KLRG1: variants seen among roughly 807,000 people sequenced by gnomAD.
KLRG1 encodes the protein killer cell lectin-like receptor subfamily G member 1.
KLRG1 carries 16 observed loss-of-function variants against 21.8 expected under a neutral mutation model. The observed-to-expected ratio is 0.73, with a 90% CI of 0.50 to 1.11. KLRG1 has a LOEUF of 1.11. Ranked by LOEUF, KLRG1 falls within the 50% of genes most tolerant of loss-of-function variation. KLRG1 has a pLI of 0.00. For synonymous variants in KLRG1, 69 were observed against 75.9 expected (o/e 0.91, Z 0.47); for missense variants, 173 against 218.3 (o/e 0.79, Z 1.31).
At chr12:9,090,120 G>A in the KLRG1 span, 8 of 1,513,774 alleles carry the variant, frequency 5.3e-6, no homozygotes, top group Non-Finnish European at 7.1e-6. Context: ...GTAAACTTTT[G>A]TTTTATTAAA....
the KLRG1 span, chr12:9,201,079 C>T: frequency 1.2e-6 from 2 of 1,612,898 alleles, no homozygotes; most frequent in Non-Finnish European, 1.7e-6. Context: ...AAACAAGAAA[C>T]ATGGGCGGTA....
chr12:9,013,011 G>T (rs1288472016), downstream of KLRG1, among the ~76,000 whole-genome samples: 3 of 152,296 alleles, frequency 2.0e-5, no homozygotes, highest in Non-Finnish European at 4.4e-5. Context: ...TATGGAGAGA[G>T]AGACTCCATT....
At chr12:9,015,874 A>G in the KLRG1 span, among the ~76,000 whole-genome samples, 1 of 152,158 alleles carries the variant, frequency 6.6e-6, no homozygotes, top group Non-Finnish European at 1.5e-5. Flanking sequence ...AAACTATATA[A>G]ACACATGGAA....
rs1021880607 is a variant in KLRG1 at position 9,009,024 on chromosome 12, G to T, written c.407G>T (p.Arg136Met). The change falls in exon 4 of 5, where the codon AGG (arginine) becomes ATG (methionine). Residue 136 changes from arginine (R) to methionine (M), a missense_variant. Physicochemically the swap from Arg to Met is moderately conservative, Grantham distance 91. This residue lies in a region of KLRG1 where 144 missense variants were observed against 161.5 expected (regional missense o/e 0.89). Coordinates refer to ENST00000356986, the MANE Select transcript of KLRG1 (RefSeq NM_005810.4). ...LSEAFCWIGL[R>M]NNSGWRWEDG... ...GAGGCCTTTTGCTGGATTGGTCTGA[G>T]GAACAATTCTGGCTGGAGGTGGGAA... is the stretch of plus-strand genomic sequence containing the variant. 4 of 1,613,894 alleles carry T rather than the reference G, an allele frequency of 2.5e-6. No individual in the cohort carries two copies. Among genetic ancestry groups the T allele is most frequent in the Admixed American group, 1.7e-5 (1 of 59,986 alleles).
the KLRG1 span, chr12:9,069,921 CA>C: frequency 2.2e-6 from 2 of 912,038 alleles, no homozygotes; most frequent in Non-Finnish European, 3.6e-6. Context: ...TAGAATTCTT[CA>C]AATGCTTTTT....
the KLRG1 span, among the ~76,000 whole-genome samples, chr12:9,171,440 G>C: frequency 2.6e-5 from 4 of 152,230 alleles, no homozygotes; most frequent in African/African-American, 9.6e-5. Context: ...CAAAATGCCA[G>C]AGTGTCTCTT....
At chr12:8,973,359 T>C (rs762754896) in intron 1 of KLRG1, among the ~76,000 whole-genome samples, 17 of 151,970 alleles carry the variant, frequency 1.1e-4, no homozygotes, top group Non-Finnish European at 2.1e-4. Context: ...TAGGAGGTGA[T>C]TGGGTCATGA....
At chr12:9,031,851 G>A in the KLRG1 span, among the ~76,000 whole-genome samples, 5 of 152,280 alleles carry the variant, frequency 3.3e-5, no homozygotes, top group Middle Eastern at 3.4e-3. Flanking sequence ...TGTCTGACCC[G>A]TATTAATTTC....
the KLRG1 span, among the ~76,000 whole-genome samples, chr12:9,035,765 G>A: frequency 6.7e-6 from 1 of 150,266 alleles, no homozygotes; most frequent in Non-Finnish European, 1.5e-5. Context: ...CATCAACAGT[G>A]GACTGGATAA....
the KLRG1 span, among the ~76,000 whole-genome samples, chr12:9,188,493 A>G: frequency 1.3e-5 from 2 of 152,314 alleles, no homozygotes; most frequent in African/African-American, 4.8e-5. Context: ...CACCACTCCT[A>G]TTGAACACAG....
At chr12:9,017,147 C>G in the KLRG1 span, among the ~76,000 whole-genome samples, 3 of 150,756 alleles carry the variant, frequency 2.0e-5, no homozygotes, top group African/African-American at 2.4e-5. Context: ...ATCTGTAATC[C>G]TAGCTACTCG....
chr12:9,136,184 ACC>A, the KLRG1 span, among the ~76,000 whole-genome samples: 1 of 152,214 alleles, frequency 6.6e-6, no homozygotes, highest in African/African-American at 2.4e-5. Context: ...TTTTAAAAAG[ACC>A]CTTAGAAAGA....
At chr12:8,954,830 A>G (rs1946261890) in intron 1 of KLRG1, among the ~76,000 whole-genome samples, 1 of 152,218 alleles carries the variant, frequency 6.6e-6, no homozygotes, top group Non-Finnish European at 1.5e-5. Flanking sequence ...GTGTGAAGCA[A>G]GCCTACTAGT....
chr12:8,968,254 A>G (rs1197338048), intron 1 of KLRG1, among the ~76,000 whole-genome samples: 1 of 149,782 alleles, frequency 6.7e-6, no homozygotes, highest in Non-Finnish European at 1.5e-5. Context: ...AAAAAAAACC[A>G]CACTGAAATA....
the KLRG1 span, among the ~76,000 whole-genome samples, chr12:9,059,616 T>C: frequency 1.3e-5 from 2 of 152,236 alleles, no homozygotes; most frequent in Non-Finnish European, 2.9e-5. Context: ...TTTTGAATCT[T>C]GCTCTCAGTT....
At chr12:9,037,686 G>C in the KLRG1 span, among the ~76,000 whole-genome samples, 2 of 152,112 alleles carry the variant, frequency 1.3e-5, no homozygotes, top group Admixed American at 1.3e-4. Context: ...GAGCCCTATC[G>C]AGGTGTACCA....
the KLRG1 span, among the ~76,000 whole-genome samples, chr12:9,134,846 A>G: frequency 6.6e-6 from 1 of 152,312 alleles, no homozygotes; most frequent in African/African-American, 2.4e-5. Flanking sequence ...GGTCCTAGCC[A>G]TGTAACCAAA....
the KLRG1 span, among the ~76,000 whole-genome samples, chr12:9,188,505 A>G: frequency 6.6e-6 from 1 of 152,208 alleles, no homozygotes; most frequent in Non-Finnish European, 1.5e-5. Flanking sequence ...TGAACACAGT[A>G]TTGGAAGTCC....
At chr12:9,047,369 G>A in the KLRG1 span, among the ~76,000 whole-genome samples, 2 of 152,126 alleles carry the variant, frequency 1.3e-5, no homozygotes, top group African/African-American at 4.8e-5. Flanking sequence ...ACTTAGATTA[G>A]TTGTAAATGT....
Sources: gnomAD v4.1 joint callset for allele counts (sites outside exome capture counted in the v4.1 genomes callset) on GRCh38, gnomAD v4.1.1 for gene constraint, gnomAD v4.1.1 regional missense constraint, MANE v1.5 for transcripts, NCBI Gene and HGNC (gene_info 2026-07-23, HGNC 2026-07-21) for gene names.